NFATC3: variants seen among roughly 807,000 people sequenced by gnomAD.
NFATC3 encodes nuclear factor of activated T cells 3, also known as nuclear factor of activated T-cells, cytoplasmic 3.
NFATC3 carries 46 observed loss-of-function variants against 98.6 expected under a neutral mutation model. The ratio of observed to expected loss-of-function variants is 0.47; its 90% CI spans 0.37 to 0.60. The LOEUF is 0.60. Among genes scored for constraint, NFATC3 ranks in the 20% least tolerant of loss-of-function variants. The probability of loss-of-function intolerance (pLI) is 0.00; values close to 1 mark genes in which losing one functional copy is unlikely to be tolerated. For missense variants in NFATC3, 1,256 were observed against 1,295.5 expected (o/e 0.97, Z 0.47); for synonymous variants, 512 against 472.2 (o/e 1.08, Z -1.09).
At chr16:68,189,518 T>C (rs188465253) in intron 8 of NFATC3, 1 of 155,346 alleles carries the variant, frequency 6.4e-6, no homozygotes, top group Non-Finnish European at 1.4e-5. Context: ...ACTGAGACTT[T>C]GATAGGGATT....
intron 4 of NFATC3, among the ~76,000 whole-genome samples, chr16:68,162,012 T>C (rs2038916148): frequency 2.0e-5 from 3 of 152,178 alleles, no homozygotes; most frequent in Admixed American, 6.5e-5. Flanking sequence ...AGATCTAGCA[T>C]GTACTGTGTA....
Position 68,122,094 on chromosome 16 carries a change from T to G in NFATC3, c.211T>G (p.Ser71Ala). The change falls in exon 2 of 10, where the codon TCT becomes GCT. Residue 71 changes from serine (S) to alanine (A), a missense_variant. By Grantham distance (99) the Ser-to-Ala change is moderately conservative. Transcript: ENST00000346183. Reference sequence around the variant, plus strand: ...ACCACATCATGGATTACCGTCTCACTCTTCTGTTTTGTCACCATCGTTTCA... The same window carrying G: ...ACCACATCATGGATTACCGTCTCACGCTTCTGTTTTGTCACCATCGTTTCA... ...CLPHHGLPSH[S>A]SVLSPSFQLQ... The G allele has an allele frequency of 6.2e-7, 1 of 1,614,118 alleles. No individual in the cohort carries two copies. The highest frequency in any genetic ancestry group is 1.1e-5 in the South Asian group (1 of 91,082).
chr16:68,138,221 G>A (rs1446948691), intron 3 of NFATC3, among the ~76,000 whole-genome samples: 1 of 151,574 alleles, frequency 6.6e-6, no homozygotes, highest in Non-Finnish European at 1.5e-5. Flanking sequence ...TGTATTTTTA[G>A]TAGAGATGGG....
At chr16:68,204,031 T>C (rs2041038554) in intron 9 of NFATC3, among the ~76,000 whole-genome samples, 1 of 151,434 alleles carries the variant, frequency 6.6e-6, no homozygotes, top group African/African-American at 2.4e-5. Context: ...CTACTGAAAA[T>C]ACAAAAATAA....
chr16:68,091,631 G>T (rs2034714245), intron 1 of NFATC3, among the ~76,000 whole-genome samples: 1 of 152,194 alleles, frequency 6.6e-6, no homozygotes, highest in African/African-American at 2.4e-5. Flanking sequence ...TTTTAAATAA[G>T]AGGTGAGGTT....
At chr16:68,123,395 T>A (rs2036651094) in intron 2 of NFATC3, among the ~76,000 whole-genome samples, 1 of 151,810 alleles carries the variant, frequency 6.6e-6, no homozygotes, top group South Asian at 2.1e-4. Flanking sequence ...GTTTGGAGGC[T>A]TATGCTTTGT....
chr16:68,221,449 C>A, intron 9 of NFATC3: 1 of 1,340,066 alleles, frequency 7.5e-7, no homozygotes, highest in South Asian at 2.2e-5. Flanking sequence ...CAGTGCTCAC[C>A]TGTAGCAATT....
intron 3 of NFATC3, among the ~76,000 whole-genome samples, chr16:68,135,848 A>C (rs2037378036): frequency 6.6e-6 from 1 of 152,204 alleles, no homozygotes. Context: ...GGATCACCCA[A>C]GGTCAGGAGT....
intron 9 of NFATC3, among the ~76,000 whole-genome samples, chr16:68,210,298 AAAAAAAAAAAAAG>A (rs746096289): frequency 0.013 from 1,029 of 80,404 alleles, 16 homozygotes; most frequent in African/African-American, 0.075. Context: ...ATTCCTTCTC[AAAAAAAAAAAAAG>A]AAAAAAAAAA....
At chr16:68,174,825 G>A (rs1408398004) in intron 6 of NFATC3, among the ~76,000 whole-genome samples, 1 of 152,088 alleles carries the variant, frequency 6.6e-6, no homozygotes, top group African/African-American at 2.4e-5. Flanking sequence ...TCCTCAGCCT[G>A]GGCAACAGAG....
chr16:68,167,536 G>A (rs1198252676), intron 5 of NFATC3, among the ~76,000 whole-genome samples: 2 of 152,150 alleles, frequency 1.3e-5, no homozygotes, highest in African/African-American at 4.8e-5. Context: ...AGACCCTGCA[G>A]CCTGACATGT....
rs1222007578 is a variant in NFATC3 at position 68,157,937 on chromosome 16, A to G, written c.1470A>G (p.Leu490=). Residue 490 remains leucine (L), a synonymous_variant, in exon 4 of 10, where the codon TTA becomes TTG. Coordinates refer to ENST00000346183, the MANE Select transcript of NFATC3 (RefSeq NM_173165.3). ...MFIGTADDRY[L]RPHAFYQVHR... is the part of the protein sequence containing the mutation. ...TTGGGACAGCAGATGATCGATATTT[A>G]CGACCTCATGCATTTTACCAGGTGC... The G allele has an allele frequency of 5.6e-6, 9 of 1,613,828 alleles. No individual in the cohort carries two copies. Among genetic ancestry groups the G allele is most frequent in the Non-Finnish European group, 7.6e-6 (9 of 1,179,912 alleles).
chr16:68,135,606 T>A (rs974276587), intron 3 of NFATC3, among the ~76,000 whole-genome samples: 2 of 152,210 alleles, frequency 1.3e-5, no homozygotes, highest in African/African-American at 4.8e-5. Context: ...AAGAACTGTC[T>A]GTTTAATTAA....
chr16:68,182,582 G>A (rs902468889), intron 7 of NFATC3, among the ~76,000 whole-genome samples: 5 of 152,096 alleles, frequency 3.3e-5, no homozygotes, highest in African/African-American at 7.2e-5. Flanking sequence ...GTGCAGTGGT[G>A]TAGTCTCGGC....
At chr16:68,089,779 G>A (rs2034604184) in intron 1 of NFATC3, among the ~76,000 whole-genome samples, 1 of 152,074 alleles carries the variant, frequency 6.6e-6, no homozygotes, top group Admixed American at 6.5e-5. Context: ...GTATCTCTAA[G>A]TTTGATGTTA....
chr16:68,126,696 C>A, intron 3 of NFATC3, 86 bp downstream of exon 3: 2 of 1,355,682 alleles, frequency 1.5e-6, no homozygotes, highest in Non-Finnish European at 2.0e-6. Context: ...CTAGAGAGTG[C>A]AAAGAGCATA....
chr16:68,166,723 T>C (rs1159594641), intron 4 of NFATC3, 120 bp from the exon 5 acceptor site: 6 of 746,612 alleles, frequency 8.0e-6, no homozygotes, highest in Non-Finnish European at 1.2e-5. Flanking sequence ...TACATATCTT[T>C]CTTTTTTGAC....
chr16:68,220,743 T>TAA (rs58091032), intron 9 of NFATC3, among the ~76,000 whole-genome samples: 5 of 115,024 alleles, frequency 4.3e-5, no homozygotes, highest in Admixed American at 1.8e-4. Flanking sequence ...CCGTCTCTAC[T>TAA]AAAAAAAAAA....
In NFATC3 at chr16:68,227,901, A is replaced by G. The variant is rs1178644243; in HGVS notation, c.*1430A>G. ...TCTGAAGTTTGCAGTATGCTTTCAAATGAAATAATATACTTCCATTGATTC... is the reference window on the plus strand; with the variant it reads ...TCTGAAGTTTGCAGTATGCTTTCAAGTGAAATAATATACTTCCATTGATTC... On this transcript the variant is annotated 3_prime_UTR_variant, in exon 10 of 10. Coordinates refer to ENST00000346183, the MANE Select transcript of NFATC3 (RefSeq NM_173165.3). The G allele has an allele frequency of 2.6e-5, 4 of 152,098 alleles. No homozygotes were observed. The highest frequency in any genetic ancestry group is 7.2e-5 in the African/African-American group (3 of 41,416). 9.4% of individuals were successfully genotyped at this position (152,098 alleles called of 1,614,324 possible).
Sources: allele counts gnomAD v4.1 joint callset (sites outside exome capture counted in the v4.1 genomes callset), GRCh38; gene constraint gnomAD v4.1.1; transcripts MANE v1.5; gene names NCBI Gene and HGNC (gene_info 2026-07-23, HGNC 2026-07-21).